Variants in TEK observed in about 807,000 individuals in gnomAD.
TEK encodes the protein TEK receptor tyrosine kinase.
Under a neutral mutation model 131.8 loss-of-function variants are expected in TEK, and 43 were observed. The ratio of observed to expected loss-of-function variants is 0.33; its 90% confidence interval spans 0.26 to 0.42. TEK has a LOEUF of 0.42. Ranked by LOEUF, TEK falls within the 10% of genes least tolerant of loss-of-function variation. The probability of loss-of-function intolerance (pLI) is 1.00; values close to 1 mark genes in which losing one functional copy is unlikely to be tolerated. For synonymous variants in TEK, 580 were observed against 491.6 expected, an observed-to-expected ratio of 1.18 and a Z score of -2.38; for missense variants, 1,162 against 1,384.4, an observed-to-expected ratio of 0.84 and a Z score of 2.55.
intron 2 of TEK, among the ~76,000 whole-genome samples, chr9:27,158,600 A>G (rs1396551181): frequency 6.6e-6 from 1 of 152,036 alleles, no homozygotes; most frequent in Non-Finnish European, 1.5e-5. Flanking sequence ...GAATTTTAGA[A>G]GGGGAATATC....
At chr9:27,176,825 T>C (rs1259422294) in intron 6 of TEK, among the ~76,000 whole-genome samples, 1 of 152,220 alleles carries the variant, frequency 6.6e-6, no homozygotes, top group African/African-American at 2.4e-5. Context: ...GTTTTTGCCC[T>C]TTGACCAACA....
At chr9:27,218,342 AG>A (rs2131241490) in intron 19 of TEK, among the ~76,000 whole-genome samples, 1 of 152,120 alleles carries the variant, frequency 6.6e-6, no homozygotes, top group South Asian at 2.1e-4. Flanking sequence ...ACTGTATGCA[AG>A]GTGCTTTTTA....
rs1821260686 is a variant in TEK at position 27,109,783 on chromosome 9, G to A, written c.52+141G>A. On this transcript the variant is annotated intron_variant, in intron 1 of 22. Transcript: ENST00000380036. The stretch of plus-strand genomic sequence containing the variant: ...GGCACCATTTCTCTGTGAGTCTCCA[G>A]TCAATATGTGTGGAAGGATTGAAAT... 2.4e-5 allele frequency: 19 copies of A among 800,356 alleles called. No homozygotes were observed. The South Asian group carries it at 2.7e-4, about 11-fold the overall frequency. 49.6% of individuals were successfully genotyped at this position (800,356 alleles called of 1,614,324 possible).
intron 1 of TEK, among the ~76,000 whole-genome samples, chr9:27,146,869 A>G (rs1051704035): frequency 6.6e-6 from 1 of 151,828 alleles, no homozygotes; most frequent in Non-Finnish European, 1.5e-5. Context: ...AGCTGGGACT[A>G]CAGGTGCCCA....
chr9:27,164,784 C>T (rs1241428576), intron 2 of TEK, among the ~76,000 whole-genome samples: 5 of 152,204 alleles, frequency 3.3e-5, no homozygotes, highest in African/African-American at 1.2e-4. Flanking sequence ...GATCCTCCCA[C>T]CTTGGCCTCC....
At chr9:27,225,540 C>T (rs1012124859) in intron 21 of TEK, among the ~76,000 whole-genome samples, 2 of 152,086 alleles carry the variant, frequency 1.3e-5, no homozygotes, top group Non-Finnish European at 2.9e-5. Context: ...TAGCCATATG[C>T]AGAAAACTGA....
chr9:27,215,243 C>G (rs1264165770), intron 18 of TEK, among the ~76,000 whole-genome samples: 6 of 152,108 alleles, frequency 3.9e-5, no homozygotes, highest in Admixed American at 3.9e-4. Flanking sequence ...CAGGTCTCAA[C>G]TCTATCTTAC....
intron 1 of TEK, among the ~76,000 whole-genome samples, chr9:27,116,600 T>C (rs558263222): frequency 4.6e-5 from 7 of 152,080 alleles, no homozygotes; most frequent in Admixed American, 1.3e-4. Context: ...AAGATATTTA[T>C]CAAAATTTGG....
At chr9:27,200,281 C>T (rs1052156783) in intron 12 of TEK, among the ~76,000 whole-genome samples, 3 of 152,212 alleles carry the variant, frequency 2.0e-5, no homozygotes, top group Non-Finnish European at 2.9e-5. Flanking sequence ...GGATGAATCA[C>T]TATTTCCTAT....
chr9:27,208,639 T>C (rs1331799091), intron 15 of TEK, among the ~76,000 whole-genome samples: 4 of 152,230 alleles, frequency 2.6e-5, no homozygotes, highest in Non-Finnish European at 4.4e-5. Context: ...GCATGCATTA[T>C]TGGTGATGTT....
intron 1 of TEK, among the ~76,000 whole-genome samples, chr9:27,121,551 T>C (rs1000035286): frequency 6.6e-6 from 1 of 150,660 alleles, no homozygotes; most frequent in African/African-American, 2.4e-5. Context: ...TTCCATATTA[T>C]ATGCAATATG....
intron 2 of TEK, among the ~76,000 whole-genome samples, chr9:27,167,264 G>A (rs1221787645): frequency 6.6e-6 from 1 of 151,886 alleles, no homozygotes; most frequent in Admixed American, 6.6e-5. Flanking sequence ...GTCTTGCTCT[G>A]TTGCCCATGC....
intron 1 of TEK, among the ~76,000 whole-genome samples, chr9:27,145,938 G>A (rs1374443193): frequency 1.3e-5 from 2 of 152,148 alleles, no homozygotes; most frequent in East Asian, 3.8e-4. Context: ...AGCATGCAAA[G>A]CAATAAGTGA....
intron 2 of TEK, among the ~76,000 whole-genome samples, chr9:27,162,914 C>T (rs184315675): frequency 1.3e-5 from 2 of 152,182 alleles, no homozygotes; most frequent in African/African-American, 4.8e-5. Flanking sequence ...CAGGGCTTTA[C>T]CATGTTGGCC....
At chr9:27,192,915 C>A (rs1824876429) in intron 11 of TEK, among the ~76,000 whole-genome samples, 1 of 152,136 alleles carries the variant, frequency 6.6e-6, no homozygotes, top group Non-Finnish European at 1.5e-5. Context: ...GCAGGGCCTC[C>A]CCTAGGAGCT....
At chr9:27,142,826 C>T (rs1822777073) in intron 1 of TEK, among the ~76,000 whole-genome samples, 1 of 152,174 alleles carries the variant, frequency 6.6e-6, no homozygotes, top group Non-Finnish European at 1.5e-5. Flanking sequence ...TTTCCTCATC[C>T]GTGGTATGGA....
chr9:27,187,277 C>T (rs1824633816), intron 9 of TEK, among the ~76,000 whole-genome samples: 1 of 152,156 alleles, frequency 6.6e-6, no homozygotes, highest in Non-Finnish European at 1.5e-5. Context: ...TGTAAATAGC[C>T]ATTAGGGAAT....
At chr9:27,138,894 G>A (rs1185846303) in intron 1 of TEK, among the ~76,000 whole-genome samples, 1 of 152,106 alleles carries the variant, frequency 6.6e-6, no homozygotes, top group Non-Finnish European at 1.5e-5. Context: ...TAATGTTTTA[G>A]ATTCACTGTA....
chr9:27,167,197 G>C (rs1823762628), intron 2 of TEK, among the ~76,000 whole-genome samples: 1 of 152,080 alleles, frequency 6.6e-6, no homozygotes, highest in Non-Finnish European at 1.5e-5. Flanking sequence ...GCTTGACACA[G>C]TAACAGAAAT....
Sources: allele counts gnomAD v4.1 joint callset (sites outside exome capture counted in the v4.1 genomes callset), GRCh38; gene constraint gnomAD v4.1.1; transcripts MANE v1.5; gene names NCBI Gene and HGNC (gene_info 2026-07-23, HGNC 2026-07-21).